PLOD2: variants seen among roughly 807,000 people sequenced by gnomAD.
The protein encoded by PLOD2 is lysine hydroxylase 2.
Under a neutral mutation model 101.0 loss-of-function variants are expected in PLOD2, and 65 were observed. That is an observed-to-expected ratio of 0.64 (90% confidence interval 0.53 to 0.79). The LOEUF (loss-of-function observed/expected upper bound fraction) is 0.79, where lower values mean the gene tolerates loss of function less well. PLOD2 is among the 30% of genes least tolerant of loss of function. The pLI, the probability that PLOD2 is intolerant of heterozygous loss-of-function variation, is 0.00. For missense variants in PLOD2, 909 were observed against 914.6 expected, an observed-to-expected ratio of 0.99 and a Z score of 0.08; for synonymous variants, 314 against 302.9, an observed-to-expected ratio of 1.04 and a Z score of -0.38.
intron 16 of PLOD2, 50 bp downstream of exon 16, chr3:146,073,237 C>A: frequency 1.4e-6 from 1 of 719,786 alleles, no homozygotes; most frequent in Non-Finnish European, 2.4e-6. Flanking sequence ...AATATTTCTT[C>A]TGGAAAATAA....
rs770343534 is a variant in PLOD2 at position 146,091,810 on chromosome 3, G to A, written c.869C>T (p.Ser290Phe). ...ATCAATTCCACTTACATCTACTGCA[G>A]ACAAGTCGACTGTATCGAATTCACA... is the stretch of plus-strand genomic sequence containing the variant. Reference protein sequence around the residue: ...TLCEFDTVDLSAVDVHPNVSI... With the variant: ...TLCEFDTVDLFAVDVHPNVSI... Residue 290 changes from serine (S) to phenylalanine (F), a missense_variant, in exon 8 of 20, where the codon TCT (serine) becomes TTT (phenylalanine). By Grantham distance (155) the Ser-to-Phe change is radical (BLOSUM62 -2). Coordinates refer to ENST00000282903, the MANE Select transcript of PLOD2 (RefSeq NM_182943.3). The A allele has an allele frequency of 1.9e-6, 3 of 1,571,008 alleles. No homozygotes were observed. Among genetic ancestry groups the A allele is most frequent in the South Asian group, 1.1e-5 (1 of 90,210 alleles).
chr3:146,073,471 T>G (rs1307017587), intron 15 of PLOD2, 119 bp from the exon 16 acceptor site: 1 of 426,252 alleles, frequency 2.3e-6, no homozygotes, highest in African/African-American at 2.0e-5. Context: ...GTGGACAAAA[T>G]AGTAATTTTC....
intron 7 of PLOD2, among the ~76,000 whole-genome samples, chr3:146,093,227 A>T (rs906483548): frequency 4.6e-5 from 7 of 152,314 alleles, no homozygotes; most frequent in Admixed American, 3.3e-4. Context: ...CTGCTGAAAC[A>T]AGAACTTTAA....
intron 1 of PLOD2, among the ~76,000 whole-genome samples, chr3:146,150,145 AAC>A (rs1250878476): frequency 6.6e-6 from 1 of 152,196 alleles, no homozygotes; most frequent in Admixed American, 6.5e-5. Context: ...ATGGCTAGTA[AAC>A]ACAAATGTGT....
intron 3 of PLOD2, among the ~76,000 whole-genome samples, chr3:146,112,580 C>A (rs983553672): frequency 2.6e-5 from 4 of 152,094 alleles, no homozygotes; most frequent in Middle Eastern, 6.8e-3. Flanking sequence ...AGGCCGGGCA[C>A]AGTGGCTCAT....
chr3:146,152,328 G>A (rs1304183892), intron 1 of PLOD2, among the ~76,000 whole-genome samples: 2 of 152,012 alleles, frequency 1.3e-5, no homozygotes, highest in African/African-American at 4.8e-5. Flanking sequence ...GCTGAGGCAG[G>A]AGCATCGCTT....
At chr3:146,121,702 T>C (rs1274134463) in intron 2 of PLOD2, among the ~76,000 whole-genome samples, 2 of 152,162 alleles carry the variant, frequency 1.3e-5, no homozygotes, top group Non-Finnish European at 2.9e-5. Context: ...TTTCAGGGAA[T>C]TGCAGAGGGC....
intron 8 of PLOD2, among the ~76,000 whole-genome samples, chr3:146,089,045 T>A (rs571911482): frequency 1.4e-4 from 22 of 151,782 alleles, no homozygotes; most frequent in East Asian, 5.8e-4. Flanking sequence ...CTTCTTCACA[T>A]CTGAAAGCTA....
At chr3:146,075,126 C>T (rs2107998272) in intron 15 of PLOD2, among the ~76,000 whole-genome samples, 1 of 151,616 alleles carries the variant, frequency 6.6e-6, no homozygotes, top group East Asian at 1.9e-4. Flanking sequence ...GACTAGAAAA[C>T]ACCTCTTTTC....
At chr3:146,090,003 C>G (rs542420580) in intron 8 of PLOD2, among the ~76,000 whole-genome samples, 1 of 151,486 alleles carries the variant, frequency 6.6e-6, no homozygotes, top group South Asian at 2.1e-4. Context: ...CATTATTAAC[C>G]TAAGTTCATG....
chr3:146,077,768 G>T, intron 14 of PLOD2, 94 bp downstream of exon 14: 1 of 700,600 alleles, frequency 1.4e-6, no homozygotes, highest in Non-Finnish European at 2.4e-6. Context: ...CAAGCTAAAT[G>T]CAAATAAGGC....
rs1236180992 is a variant in PLOD2 at position 146,069,800 on chromosome 3, T to C, written c.*917A>G. 6.6e-6 allele frequency: 1 copy of C among 152,122 alleles called. No homozygotes were observed. The highest frequency in any genetic ancestry group is 1.5e-5 in the Non-Finnish European group (1 of 67,844). 9.4% of individuals were successfully genotyped at this position (152,122 alleles called of 1,614,324 possible). ...GCTCAACAACTTTGTTTTCCTGATATAAAATTCAAGTACTTAAAAAGTTTT... is the reference window on the plus strand; with the variant it reads ...GCTCAACAACTTTGTTTTCCTGATACAAAATTCAAGTACTTAAAAAGTTTT... On this transcript the variant is annotated 3_prime_UTR_variant, in exon 20 of 20. Transcript: ENST00000282903.
rs144875374 is a variant in PLOD2 at position 146,149,202 on chromosome 3, C to T, written c.109+11679G>A. 2.6e-3 allele frequency among the ~76,000 whole-genome samples: 393 copies of T among 152,290 alleles called. 3 individuals are homozygous for T. The highest frequency in any genetic ancestry group is 0.01 in the Middle Eastern group (3 of 294). On this transcript the variant is annotated intron_variant, in intron 1 of 19. Coordinates refer to ENST00000282903, the MANE Select transcript of PLOD2 (RefSeq NM_182943.3). ...CTCTATTTCACTGACCCTCTCACTC[C>T]CATCACCTCTTCAAACTGAATAGGA... is the stretch of plus-strand genomic sequence containing the variant.
At chr3:146,100,170 C>A (rs370320350) in intron 7 of PLOD2, among the ~76,000 whole-genome samples, 3 of 152,224 alleles carry the variant, frequency 2.0e-5, no homozygotes, top group East Asian at 3.9e-4. Flanking sequence ...TGTGAGCCAC[C>A]ATGCCCAGCC....
chr3:146,119,224 G>A (rs758006643), intron 3 of PLOD2, among the ~76,000 whole-genome samples: 1 of 152,010 alleles, frequency 6.6e-6, no homozygotes, highest in African/African-American at 2.4e-5. Context: ...CCAATCATGT[G>A]AGACCTTCAT....
At chr3:146,152,302 G>A (rs553374564) in intron 1 of PLOD2, among the ~76,000 whole-genome samples, 2 of 151,870 alleles carry the variant, frequency 1.3e-5, no homozygotes, top group African/African-American at 4.8e-5. Context: ...CACCTGTAAT[G>A]CCAGCTACTC....
rs376629236 is a variant in PLOD2, at chr3:146,086,807, C to T, written c.1107G>A (p.Ala369=). 17 of 1,489,782 alleles carry T rather than the reference C, an allele frequency of 1.1e-5. No individual in the cohort carries two copies. Among genetic ancestry groups the T allele is most frequent in the Middle Eastern group, 1.7e-4 (1 of 5,750 alleles). 92.3% of individuals were successfully genotyped at this position (1,489,782 alleles called of 1,614,324 possible). Residue 369 remains alanine, a synonymous_variant, in exon 10 of 20, where the codon GCG becomes GCA. Transcript: ENST00000282903. ...IVGPEENLSQ[A]EARNMGMDFC... ...CATACATTCCCATGTTTCTGGCTTC[C>T]GCTTGACTTAGATTTTCTTCTGGTC...
At chr3:146,084,841 AT>A (rs1936699197) in intron 11 of PLOD2, among the ~76,000 whole-genome samples, 1 of 152,126 alleles carries the variant, frequency 6.6e-6, no homozygotes, top group South Asian at 2.1e-4. Flanking sequence ...GTTTTGTGAA[AT>A]TCTACTTTAA....
intron 1 of PLOD2, among the ~76,000 whole-genome samples, chr3:146,150,932 TGG>T (rs2032028232): frequency 2.6e-5 from 4 of 152,176 alleles, no homozygotes; most frequent in Non-Finnish European, 5.9e-5. Context: ...TAAAAACACT[TGG>T]AACCTTTTTA....
Sources: gnomAD v4.1 joint callset for allele counts (sites outside exome capture counted in the v4.1 genomes callset) on GRCh38, gnomAD v4.1.1 for gene constraint, MANE v1.5 for transcripts, NCBI Gene and HGNC (gene_info 2026-07-23, HGNC 2026-07-21) for gene names.